Variants in PATJ observed in about 807,000 individuals in gnomAD.
PATJ encodes PATJ crumbs cell polarity complex component.
A neutral mutation model predicts 224.9 loss-of-function variants in PATJ; 190 were observed. The observed-to-expected ratio is 0.84, with a 90% CI of 0.75 to 0.95. PATJ has a LOEUF of 0.95. Ranked by LOEUF, PATJ falls within the 40% of genes least tolerant of loss-of-function variation. The pLI, the probability that PATJ is intolerant of heterozygous loss-of-function variation, is 0.00. For missense variants in PATJ, 2,121 were observed against 2,270.3 expected (o/e 0.93, Z 1.34); for synonymous variants, 769 against 820.3 (o/e 0.94, Z 1.07).
intron 28 of PATJ, among the ~76,000 whole-genome samples, chr1:61,993,821 C>T (rs1388033839): frequency 2.0e-5 from 3 of 152,168 alleles, no homozygotes; most frequent in African/African-American, 7.2e-5. Flanking sequence ...ACTTCCACTC[C>T]CTTAGAAACT....
intron 27 of PATJ, among the ~76,000 whole-genome samples, chr1:61,930,464 A>G (rs954125819): frequency 9.9e-5 from 15 of 152,222 alleles, no homozygotes. Context: ...AAGTATGGCT[A>G]CATAACTTTC....
At chr1:61,971,958 C>T (rs1683041342) in intron 27 of PATJ, among the ~76,000 whole-genome samples, 1 of 150,642 alleles carries the variant, frequency 6.6e-6, no homozygotes. Flanking sequence ...CACTGCACTC[C>T]AACATGGGTG....
chr1:61,787,526 T>A (rs1246681633), intron 7 of PATJ, among the ~76,000 whole-genome samples: 1 of 152,210 alleles, frequency 6.6e-6, no homozygotes, highest in Non-Finnish European at 1.5e-5. Context: ...AAAGGCCTTT[T>A]TTAGAATACT....
intron 27 of PATJ, among the ~76,000 whole-genome samples, chr1:61,932,625 C>T (rs1025967298): frequency 1.3e-5 from 2 of 152,294 alleles, no homozygotes; most frequent in African/African-American, 4.8e-5. Flanking sequence ...GTGTGCGGGA[C>T]GCAGGGGCTC....
At chr1:62,067,629 G>A (rs1313829646) in intron 31 of PATJ, among the ~76,000 whole-genome samples, 1 of 152,170 alleles carries the variant, frequency 6.6e-6, no homozygotes, top group East Asian at 1.9e-4. Flanking sequence ...GCTAGATCAA[G>A]TCAACTATGT....
At chr1:61,992,397 C>T (rs577930908) in intron 28 of PATJ, among the ~76,000 whole-genome samples, 222 of 152,192 alleles carry the variant, frequency 1.5e-3, no homozygotes, top group African/African-American at 5.3e-3. Flanking sequence ...GGATTACAGG[C>T]GTGAGTCACC....
chr1:62,121,623 G>T (rs1665059576), intron 38 of PATJ, among the ~76,000 whole-genome samples: 2 of 151,908 alleles, frequency 1.3e-5, no homozygotes, highest in Admixed American at 1.3e-4. Context: ...AAAAAAATTA[G>T]CCGGGCGTGG....
In PATJ at chr1:61,977,586, T is replaced by TC. The variant is rs751080608; in HGVS notation, c.3671-12576dup. On this transcript the variant is annotated intron_variant, in intron 27 of 43. Coordinates refer to ENST00000642238, the MANE Select transcript of PATJ (RefSeq NM_001350145.3). ...GGTGTTTTGTAGACGCGTCCTAGAG[T>TC]CCCCCCAGGGATGAGGGGTTGAGTG... Among the ~76,000 whole-genome samples the TC allele has an allele frequency of 5.1e-4, 78 of 151,766 alleles. No individual in the cohort carries two copies. In the East Asian group the frequency reaches 0.013, roughly 25 times the overall value.
intron 40 of PATJ, 39 bp downstream of exon 40, chr1:62,128,133 T>C (rs1665917248): frequency 6.2e-7 from 1 of 1,612,858 alleles, no homozygotes; most frequent in Non-Finnish European, 8.5e-7. Flanking sequence ...ACAATATGTG[T>C]TGGGGTGGGA....
chr1:61,882,386 CA>C (rs1427166106), intron 21 of PATJ, among the ~76,000 whole-genome samples: 1 of 152,046 alleles, frequency 6.6e-6, no homozygotes, highest in East Asian at 1.9e-4. Context: ...TGACAAAAAA[CA>C]ATTAAGTGTG....
At chr1:61,863,117 C>T (rs1030029133) in intron 19 of PATJ, among the ~76,000 whole-genome samples, 4 of 144,588 alleles carry the variant, frequency 2.8e-5, no homozygotes, top group East Asian at 2.1e-4. Context: ...CTCACTTCAG[C>T]GTCAGTCTCC....
intron 31 of PATJ, among the ~76,000 whole-genome samples, chr1:62,052,687 G>A (rs1231784819): frequency 1.3e-5 from 2 of 151,810 alleles, no homozygotes; most frequent in African/African-American, 4.8e-5. Context: ...AGAGGTTGCG[G>A]TGAGCCAAGA....
chr1:61,883,863 GTTT>G (rs67157531), intron 21 of PATJ, among the ~76,000 whole-genome samples: 79 of 145,498 alleles, frequency 5.4e-4, no homozygotes, highest in Non-Finnish European at 6.0e-4. Flanking sequence ...TTCTGTGGAG[GTTT>G]TTTTTTTTTT....
At chr1:61,830,826 A>G (rs1038215858) in intron 16 of PATJ, among the ~76,000 whole-genome samples, 3 of 152,172 alleles carry the variant, frequency 2.0e-5, no homozygotes, top group African/African-American at 7.2e-5. Context: ...CTGGCTACCC[A>G]TATGCCGAAG....
chr1:62,121,140 T>G (rs1183319613), intron 37 of PATJ, 41 bp from the exon 38 acceptor site: 1 of 1,280,864 alleles, frequency 7.8e-7, no homozygotes, highest in Non-Finnish European at 1.1e-6. Context: ...GGGGGTCAAG[T>G]CAGTGTCTGC....
chr1:62,112,390 C>T (rs975328382), intron 34 of PATJ, among the ~76,000 whole-genome samples: 1 of 152,130 alleles, frequency 6.6e-6, no homozygotes, highest in East Asian at 1.9e-4. Context: ...CCTGTAATCC[C>T]AGCTGCTCGG....
At chr1:61,920,145 GT>G (rs1200317884) in intron 26 of PATJ, among the ~76,000 whole-genome samples, 1 of 152,046 alleles carries the variant, frequency 6.6e-6, no homozygotes, top group African/African-American at 2.4e-5. Flanking sequence ...GTACATCCAA[GT>G]TTAAAATTTT....
At chr1:61,860,826 C>T (rs1664420418) in intron 18 of PATJ, among the ~76,000 whole-genome samples, 1 of 146,320 alleles carries the variant, frequency 6.8e-6, no homozygotes, top group Admixed American at 6.8e-5. Context: ...GACTCTCTGT[C>T]TCAATTTAAA....
intron 27 of PATJ, among the ~76,000 whole-genome samples, chr1:61,959,467 G>A: frequency 9.7e-6 from 1 of 103,522 alleles, no homozygotes; most frequent in East Asian, 2.4e-4. Context: ...ACAGAGTTTT[G>A]CTCCATTGCC....
Sources: allele counts gnomAD v4.1 joint callset (sites outside exome capture counted in the v4.1 genomes callset), GRCh38; gene constraint gnomAD v4.1.1; transcripts MANE v1.5; gene names NCBI Gene and HGNC (gene_info 2026-07-23, HGNC 2026-07-21).